MPPED2: variants seen among roughly 807,000 people sequenced by gnomAD.
MPPED2 encodes metallophosphoesterase MPPED2.
A neutral mutation model predicts 33.0 loss-of-function variants in MPPED2; 5 were observed. That is an observed-to-expected ratio of 0.15 (90% CI 0.08 to 0.32). The LOEUF is 0.32. MPPED2 is among the 10% of genes least tolerant of loss of function. The pLI is 1.00. For synonymous variants in MPPED2, 136 were observed against 141.9 expected, an observed-to-expected ratio of 0.96 and a Z score of 0.29; for missense variants, 275 against 372.1, an observed-to-expected ratio of 0.74 and a Z score of 2.15.
intron 2 of MPPED2, among the ~76,000 whole-genome samples, chr11:30,545,461 G>A (rs1300175706): frequency 6.6e-6 from 1 of 152,050 alleles, no homozygotes; most frequent in Non-Finnish European, 1.5e-5. Context: ...ATCCTACACC[G>A]AGTCTCCCGT....
intron 2 of MPPED2, among the ~76,000 whole-genome samples, chr11:30,560,918 G>A (rs1956213195): frequency 2.0e-5 from 3 of 152,190 alleles, no homozygotes; most frequent in South Asian, 2.1e-4. Flanking sequence ...AAAGAAAAAT[G>A]ATGTTAACGT....
At chr11:30,437,771 C>A (rs1949388951) in intron 4 of MPPED2, among the ~76,000 whole-genome samples, 1 of 152,024 alleles carries the variant, frequency 6.6e-6, no homozygotes. Context: ...TAGAAGAAAT[C>A]TGACCTCACC....
intron 2 of MPPED2, among the ~76,000 whole-genome samples, chr11:30,544,284 T>G (rs1955291062): frequency 6.6e-6 from 1 of 152,182 alleles, no homozygotes; most frequent in African/African-American, 2.4e-5. Context: ...CCTTCTAACA[T>G]GGCAATCACG....
intron 2 of MPPED2, among the ~76,000 whole-genome samples, chr11:30,554,130 C>T (rs369619514): frequency 5.3e-5 from 8 of 152,220 alleles, no homozygotes; most frequent in East Asian, 3.9e-4. Flanking sequence ...ACTGGTTCTC[C>T]GCCCTCATGT....
At chr11:30,480,931 T>A (rs1951457650) in intron 4 of MPPED2, among the ~76,000 whole-genome samples, 1 of 152,102 alleles carries the variant, frequency 6.6e-6, no homozygotes, top group African/African-American at 2.4e-5. Flanking sequence ...TGTCCCTTGA[T>A]AATGAAGATA....
chr11:30,526,556 G>A (rs1954190948), intron 3 of MPPED2, among the ~76,000 whole-genome samples: 1 of 152,060 alleles, frequency 6.6e-6, no homozygotes, highest in African/African-American at 2.4e-5. Flanking sequence ...TTGACTCTAG[G>A]GAAACCTCTG....
chr11:30,529,986 A>G (rs1048011730), intron 3 of MPPED2, among the ~76,000 whole-genome samples: 7 of 152,246 alleles, frequency 4.6e-5, no homozygotes, highest in African/African-American at 1.7e-4. Context: ...AAGAAAGGCC[A>G]TAATTGAAAG....
downstream of MPPED2, among the ~76,000 whole-genome samples, chr11:30,406,099 A>G (rs772617881): frequency 3.9e-5 from 6 of 152,156 alleles, no homozygotes; most frequent in Non-Finnish European, 8.8e-5. Flanking sequence ...AGAAGGAGGA[A>G]TTGGAAGCCT....
intron 4 of MPPED2, among the ~76,000 whole-genome samples, chr11:30,461,247 C>G (rs749104043): frequency 1.3e-5 from 2 of 151,980 alleles, no homozygotes; most frequent in African/African-American, 4.8e-5. Flanking sequence ...TAATGGATAC[C>G]GAGTTTCAGT....
chr11:30,415,228 A>G (rs1948291966), intron 5 of MPPED2, among the ~76,000 whole-genome samples: 1 of 152,198 alleles, frequency 6.6e-6, no homozygotes, highest in African/African-American at 2.4e-5. Flanking sequence ...ATGAACGTTT[A>G]GTGTCTCTGT....
At chr11:30,583,010 C>T (rs183963708) in intron 1 of MPPED2, among the ~76,000 whole-genome samples, 1 of 152,264 alleles carries the variant, frequency 6.6e-6, no homozygotes, top group Admixed American at 6.5e-5. Context: ...AAAACTTTCA[C>T]AGCACCTTTA....
At chr11:30,400,103 T>C (rs1011822562) in intron 6 of MPPED2, among the ~76,000 whole-genome samples, 4 of 152,170 alleles carry the variant, frequency 2.6e-5, no homozygotes, top group Non-Finnish European at 5.9e-5. Context: ...TTCTTAGAGA[T>C]AGGATCTTGC....
At chr11:30,482,066 A>G (rs1951513594) in intron 4 of MPPED2, among the ~76,000 whole-genome samples, 1 of 152,156 alleles carries the variant, frequency 6.6e-6, no homozygotes, top group African/African-American at 2.4e-5. Flanking sequence ...ATAGACACAC[A>G]TTTTACGGCT....
chr11:30,522,418 AC>A (rs1953925054), intron 3 of MPPED2, among the ~76,000 whole-genome samples: 3 of 148,156 alleles, frequency 2.0e-5, no homozygotes, highest in Non-Finnish European at 4.5e-5. Context: ...ACACACACAC[AC>A]ACACCTAGAA....
At chr11:30,529,707 G>A (rs1483450287) in intron 3 of MPPED2, among the ~76,000 whole-genome samples, 1 of 152,174 alleles carries the variant, frequency 6.6e-6, no homozygotes, top group Non-Finnish European at 1.5e-5. Context: ...GGCGGTGAAG[G>A]TTTTTCCTAA....
intron 6 of MPPED2, among the ~76,000 whole-genome samples, chr11:30,414,015 C>T (rs148423685): frequency 2.4e-4 from 37 of 152,290 alleles, no homozygotes; most frequent in African/African-American, 7.9e-4. Context: ...GTAGACCAGA[C>T]GTGCTTCCTA....
intron 4 of MPPED2, among the ~76,000 whole-genome samples, chr11:30,467,911 C>T (rs537877926): frequency 6.6e-6 from 1 of 152,088 alleles, no homozygotes; most frequent in South Asian, 2.1e-4. Flanking sequence ...CCAAGATGTG[C>T]TTACTGATGC....
chr11:30,524,069 G>C (rs1437840756), intron 3 of MPPED2, among the ~76,000 whole-genome samples: 1 of 151,900 alleles, frequency 6.6e-6, no homozygotes, highest in Non-Finnish European at 1.5e-5. Flanking sequence ...TGGCCAACAT[G>C]GTGAAACCTG....
chr11:30,387,197 C>G (rs1357528448), exon 7 of MPPED2: 1 of 157,134 alleles, frequency 6.4e-6, no homozygotes, highest in Non-Finnish European at 1.4e-5. Flanking sequence ...ACAGGGACCT[C>G]TGCTGTCAAC....
Sources: allele counts gnomAD v4.1 joint callset (sites outside exome capture counted in the v4.1 genomes callset), GRCh38; gene constraint gnomAD v4.1.1; transcripts MANE v1.5; gene names NCBI Gene and HGNC (gene_info 2026-07-23, HGNC 2026-07-21).